Variants in ATP8A2 observed in about 807,000 individuals in gnomAD.
ATP8A2 encodes the protein ATPase phospholipid transporting 8A2.
In ATP8A2, 100 loss-of-function variants were observed where a neutral mutation model predicts 165.6. That is an observed-to-expected ratio of 0.60 (90% CI 0.51 to 0.71). The LOEUF (loss-of-function observed/expected upper bound fraction) is 0.71. Ranked by LOEUF, ATP8A2 falls within the 30% of genes least tolerant of loss-of-function variation. The pLI is 0.00. For missense variants in ATP8A2, 1,227 were observed against 1,479.5 expected, an observed-to-expected ratio of 0.83 and a Z score of 2.80; for synonymous variants, 543 against 548.8, an observed-to-expected ratio of 0.99 and a Z score of 0.15.
chr13:25,641,486 G>C (rs895565708), intron 24 of ATP8A2, among the ~76,000 whole-genome samples: 1 of 152,164 alleles, frequency 6.6e-6, no homozygotes, highest in Non-Finnish European at 1.5e-5. Flanking sequence ...GCCAAATCAT[G>C]TGTGAACTCC....
At chr13:25,837,375 G>A in intron 29 of ATP8A2, 90 bp downstream of exon 29, 1 of 1,478,144 alleles carries the variant, frequency 6.8e-7, no homozygotes, top group East Asian at 2.3e-5. Context: ...TGAAGCTTGA[G>A]AAAGAACATT....
At chr13:25,776,444 A>G (rs747503153) in intron 27 of ATP8A2, among the ~76,000 whole-genome samples, 10 of 152,248 alleles carry the variant, frequency 6.6e-5, no homozygotes, top group Non-Finnish European at 1.2e-4. Context: ...TTTATTCAGT[A>G]TAGTGAGGTT....
intron 25 of ATP8A2, among the ~76,000 whole-genome samples, chr13:25,754,986 G>A (rs1415474210): frequency 6.6e-6 from 1 of 152,132 alleles, no homozygotes; most frequent in East Asian, 1.9e-4. Flanking sequence ...ATTATTTGCT[G>A]ATTTGTTTTT....
At chr13:25,537,098 G>A (rs776217282) in intron 6 of ATP8A2, among the ~76,000 whole-genome samples, 1 of 152,168 alleles carries the variant, frequency 6.6e-6, no homozygotes, top group Non-Finnish European at 1.5e-5. Flanking sequence ...TAGACACTTC[G>A]CCATGGTACC....
At chr13:26,011,657 GGCAT>G (rs1256873983) in intron 35 of ATP8A2, among the ~76,000 whole-genome samples, 1 of 152,162 alleles carries the variant, frequency 6.6e-6, no homozygotes, top group Non-Finnish European at 1.5e-5. Flanking sequence ...AAACAGACTG[GGCAT>G]GGTGGCTCAC....
intron 25 of ATP8A2, among the ~76,000 whole-genome samples, chr13:25,700,603 A>G (rs973931826): frequency 6.6e-6 from 1 of 152,080 alleles, no homozygotes; most frequent in African/African-American, 2.4e-5. Context: ...TCCATTTCTC[A>G]ATGTATGAGA....
chr13:25,877,814 A>G (rs1200497221), intron 33 of ATP8A2, among the ~76,000 whole-genome samples: 1 of 152,220 alleles, frequency 6.6e-6, no homozygotes, highest in African/African-American at 2.4e-5. Flanking sequence ...CAAGCCCTTC[A>G]GACATGTCAA....
intron 25 of ATP8A2, among the ~76,000 whole-genome samples, chr13:25,704,025 A>AAT (rs2043004056): frequency 6.6e-6 from 1 of 151,994 alleles, no homozygotes; most frequent in Non-Finnish European, 1.5e-5. Flanking sequence ...GATATGTTTG[A>AAT]ATGAAAGTTC....
chr13:25,848,783 A>G (rs1951937418), intron 30 of ATP8A2, among the ~76,000 whole-genome samples: 1 of 152,168 alleles, frequency 6.6e-6, no homozygotes, highest in African/African-American at 2.4e-5. Context: ...ACGGGGAGGA[A>G]AAAAATAAAT....
At chr13:25,793,211 G>A (rs2181426) in intron 27 of ATP8A2, among the ~76,000 whole-genome samples, 81,373 of 151,982 alleles carry the variant, frequency 0.54, 22,156 homozygotes, top group South Asian at 0.61. Context: ...AACTGTCTTC[G>A]TTGCCTGCAT....
At position 25,968,584 on chromosome 13, in the gene ATP8A2, C is replaced by T. The variant is rs1337713372; in HGVS notation, c.3282C>T (p.His1094=). ...TTTCCTCATAACACAGAGCCAAGCA[C>T]ACCTGCAAAAAGACATTGCTGGAGG... The part of the protein sequence containing the change: ...IEDVAWRAAK[H]TCKKTLLEEV... Residue 1094 remains histidine (H), a synonymous_variant, in exon 35 of 37, where the codon CAC becomes CAT. Coordinates refer to ENST00000381655, the MANE Select transcript of ATP8A2 (RefSeq NM_016529.6). The T allele has an allele frequency of 2.5e-6, 4 of 1,613,602 alleles. No homozygotes were observed. The highest frequency in any genetic ancestry group is 3.4e-6 in the Non-Finnish European group (4 of 1,179,914).
At chr13:25,394,455 T>C (rs145849121) in intron 1 of ATP8A2, among the ~76,000 whole-genome samples, 5 of 152,226 alleles carry the variant, frequency 3.3e-5, no homozygotes, top group Non-Finnish European at 7.4e-5. Context: ...AAAATAAAAC[T>C]CCAAGTCTAA....
intron 25 of ATP8A2, among the ~76,000 whole-genome samples, chr13:25,704,337 C>CTTTTT: frequency 7.3e-6 from 1 of 137,688 alleles, no homozygotes; most frequent in Admixed American, 7.4e-5. Flanking sequence ...ACATCTAGGA[C>CTTTTT]TTTTTTTTTT....
chr13:25,611,644 G>A (rs1490612983), intron 24 of ATP8A2, among the ~76,000 whole-genome samples: 1 of 152,064 alleles, frequency 6.6e-6, no homozygotes, highest in South Asian at 2.1e-4. Flanking sequence ...TGGTATTAGG[G>A]TGACACTGGC....
At chr13:25,847,297 T>C (rs1951889603) in intron 30 of ATP8A2, among the ~76,000 whole-genome samples, 1 of 152,198 alleles carries the variant, frequency 6.6e-6, no homozygotes, top group Non-Finnish European at 1.5e-5. Context: ...TATAAACAGG[T>C]TTCCAAATTC....
intron 24 of ATP8A2, among the ~76,000 whole-genome samples, chr13:25,635,320 A>C (rs1288259746): frequency 6.6e-6 from 1 of 152,210 alleles, no homozygotes; most frequent in Non-Finnish European, 1.5e-5. Flanking sequence ...AAAATGAGGT[A>C]TGTGAAGCCA....
intron 25 of ATP8A2, among the ~76,000 whole-genome samples, chr13:25,757,813 C>T (rs1319992635): frequency 6.6e-6 from 1 of 152,152 alleles, no homozygotes; most frequent in Non-Finnish European, 1.5e-5. Context: ...TCAACTCCCC[C>T]TTTGGTACCC....
chr13:25,391,496 AGTT>A (rs2033245342), intron 1 of ATP8A2, among the ~76,000 whole-genome samples: 1 of 152,232 alleles, frequency 6.6e-6, no homozygotes, highest in South Asian at 2.1e-4. Context: ...TTCCCCAAGA[AGTT>A]CTTAGGAATC....
At chr13:25,689,457 C>T (rs373637025) in intron 24 of ATP8A2, among the ~76,000 whole-genome samples, 2 of 152,234 alleles carry the variant, frequency 1.3e-5, no homozygotes, top group East Asian at 3.9e-4. Flanking sequence ...AATAATTTAT[C>T]TGGTAGTTTC....
Sources: gnomAD v4.1 joint callset for allele counts (sites outside exome capture counted in the v4.1 genomes callset) on GRCh38, gnomAD v4.1.1 for gene constraint, MANE v1.5 for transcripts, NCBI Gene and HGNC (gene_info 2026-07-23, HGNC 2026-07-21) for gene names.